Variants in SIPA1L1 observed in about 807,000 individuals in gnomAD.
SIPA1L1 encodes signal induced proliferation associated 1 like 1, also known as signal-induced proliferation-associated 1-like protein 1.
SIPA1L1 carries 26 observed loss-of-function variants against 162.7 expected under a neutral mutation model. The ratio of observed to expected loss-of-function variants is 0.16; its 90% CI spans 0.12 to 0.22. SIPA1L1 has a LOEUF of 0.22. Ranked by LOEUF, SIPA1L1 falls within the 10% of genes least tolerant of loss-of-function variation. SIPA1L1 has a pLI of 1.00. For missense variants in SIPA1L1, 1,874 were observed against 2,241.0 expected (o/e 0.84, Z 3.31); for synonymous variants, 829 against 837.4 (o/e 0.99, Z 0.17).
At chr14:71,650,613 C>A in intron 8 of SIPA1L1, 104 bp downstream of exon 8, 1 of 1,076,974 alleles carries the variant, frequency 9.3e-7, no homozygotes, top group East Asian at 2.5e-5. Context: ...TATCGCAGAA[C>A]ACTGCTGGTG....
At chr14:71,341,437 G>C (rs1231217317) in intron 2 of SIPA1L1, among the ~76,000 whole-genome samples, 2 of 152,162 alleles carry the variant, frequency 1.3e-5, no homozygotes, top group Admixed American at 1.3e-4. Context: ...GTCAGCATCT[G>C]CTTTGTTTTG....
intron 2 of SIPA1L1, among the ~76,000 whole-genome samples, chr14:71,374,739 T>C (rs1205516045): frequency 6.6e-6 from 1 of 150,550 alleles, no homozygotes; most frequent in Non-Finnish European, 1.5e-5. Flanking sequence ...CACTGCCATA[T>C]ATCTAAATAA....
At chr14:71,453,325 A>T (rs1234310603) in intron 2 of SIPA1L1, among the ~76,000 whole-genome samples, 1 of 152,084 alleles carries the variant, frequency 6.6e-6, no homozygotes, top group Non-Finnish European at 1.5e-5. Context: ...GTGCAGTGGC[A>T]CGATCTCAGC....
intron 13 of SIPA1L1, among the ~76,000 whole-genome samples, chr14:71,686,741 C>T (rs1198837939): frequency 6.6e-6 from 1 of 152,158 alleles, no homozygotes; most frequent in Non-Finnish European, 1.5e-5. Flanking sequence ...ATCCACTGTC[C>T]TTTCCCCATC....
At chr14:71,390,749 C>T (rs1258330470) in intron 2 of SIPA1L1, among the ~76,000 whole-genome samples, 1 of 152,110 alleles carries the variant, frequency 6.6e-6, no homozygotes, top group Non-Finnish European at 1.5e-5. Flanking sequence ...CGCACCACTA[C>T]CCTTCAGCCT....
chr14:71,333,784 T>G (rs1314737596), intron 2 of SIPA1L1, among the ~76,000 whole-genome samples: 1 of 152,208 alleles, frequency 6.6e-6, no homozygotes, highest in East Asian at 1.9e-4. Flanking sequence ...AGTGACACTC[T>G]GTTGTGTAGG....
At chr14:71,617,462 G>A (rs1567321809) in intron 5 of SIPA1L1, among the ~76,000 whole-genome samples, 2 of 152,184 alleles carry the variant, frequency 1.3e-5, no homozygotes, top group African/African-American at 4.8e-5. Flanking sequence ...TATATGAGAT[G>A]TTTGTTGCTT....
chr14:71,689,264 T>A (rs1287028306), intron 13 of SIPA1L1, among the ~76,000 whole-genome samples: 4 of 152,206 alleles, frequency 2.6e-5, no homozygotes, highest in Non-Finnish European at 5.9e-5. Context: ...GAATTGATAA[T>A]CCATTTGGCA....
At chr14:71,361,941 A>G (rs2140881863) in intron 2 of SIPA1L1, among the ~76,000 whole-genome samples, 1 of 152,340 alleles carries the variant, frequency 6.6e-6, no homozygotes, top group African/African-American at 2.4e-5. Flanking sequence ...ATTTTCAGTT[A>G]AATGCGTCAC....
intron 4 of SIPA1L1, among the ~76,000 whole-genome samples, chr14:71,578,268 T>C (rs1046905348): frequency 1.3e-5 from 2 of 152,068 alleles, no homozygotes; most frequent in Non-Finnish European, 2.9e-5. Flanking sequence ...TCTTGCTTTG[T>C]TTGAGTCCAT....
intron 5 of SIPA1L1, among the ~76,000 whole-genome samples, chr14:71,603,547 C>G (rs1302492444): frequency 1.6e-4 from 24 of 152,132 alleles, no homozygotes; most frequent in Non-Finnish European, 3.5e-4. Flanking sequence ...CAGCCTTGAA[C>G]TCCCAGGCTT....
At chr14:71,567,574 T>C (rs2030953822) in intron 4 of SIPA1L1, among the ~76,000 whole-genome samples, 1 of 151,560 alleles carries the variant, frequency 6.6e-6, no homozygotes, top group Non-Finnish European at 1.5e-5. Flanking sequence ...TAGTTATTTC[T>C]TGATTATATA....
chr14:71,579,576 G>A (rs1366169808), intron 4 of SIPA1L1, among the ~76,000 whole-genome samples: 1 of 152,186 alleles, frequency 6.6e-6, no homozygotes, highest in East Asian at 1.9e-4. Flanking sequence ...GACAGACAGA[G>A]GAACCATATG....
intron 13 of SIPA1L1, among the ~76,000 whole-genome samples, chr14:71,693,242 C>T (rs1460316826): frequency 1.3e-5 from 2 of 152,200 alleles, no homozygotes; most frequent in African/African-American, 2.4e-5. Context: ...TGCTGTGGCT[C>T]ACACTGGTAA....
rs930050378 is a variant in SIPA1L1 at position 71,540,069 on chromosome 14, A to G, written c.-303+10699A>G. Among the ~76,000 whole-genome samples the G allele has an allele frequency of 4.6e-5, 7 of 152,252 alleles. No homozygotes were observed. In the East Asian group the frequency reaches 7.7e-4, roughly 17 times the overall value. Reference sequence around the variant, plus strand: ...TCAGAAATGCTCTCTCGCATTTTATAGTAAACCTGTGTTGACTCTGGTGGG... The same window carrying G: ...TCAGAAATGCTCTCTCGCATTTTATGGTAAACCTGTGTTGACTCTGGTGGG... On this transcript the variant is annotated intron_variant, in intron 4 of 23. Transcript: ENST00000381232.
intron 2 of SIPA1L1, among the ~76,000 whole-genome samples, chr14:71,481,503 C>CA (rs1039614827): frequency 6.6e-6 from 1 of 151,358 alleles, no homozygotes; most frequent in Non-Finnish European, 1.5e-5. Context: ...AACAAACAAA[C>CA]AACAACAACA....
At chr14:71,602,531 G>A (rs1375251050) in intron 5 of SIPA1L1, among the ~76,000 whole-genome samples, 1 of 152,214 alleles carries the variant, frequency 6.6e-6, no homozygotes, top group East Asian at 1.9e-4. Context: ...TGTGTATGCT[G>A]CAGCTACTGA....
intron 8 of SIPA1L1, among the ~76,000 whole-genome samples, chr14:71,653,911 T>C (rs2042843911): frequency 1.3e-5 from 2 of 152,078 alleles, no homozygotes; most frequent in Non-Finnish European, 2.9e-5. Context: ...TAGATCCCAG[T>C]AGTGTGGTTA....
intron 3 of SIPA1L1, among the ~76,000 whole-genome samples, chr14:71,517,162 T>C (rs1396282598): frequency 1.3e-5 from 2 of 151,970 alleles, no homozygotes; most frequent in Admixed American, 6.6e-5. Flanking sequence ...TTTTCAAAAC[T>C]GGGGGATCAC....
Sources: gnomAD v4.1 joint callset for allele counts (sites outside exome capture counted in the v4.1 genomes callset) on GRCh38, gnomAD v4.1.1 for gene constraint, MANE v1.5 for transcripts, NCBI Gene and HGNC (gene_info 2026-07-23, HGNC 2026-07-21) for gene names.